The following ADAMTSL3 variants were observed in gnomAD, a reference collection of about 807,000 sequenced individuals.
ADAMTSL3 encodes ADAMTS-like protein 3.
ADAMTSL3 carries 128 observed loss-of-function variants against 201.7 expected under a neutral mutation model. That is an observed-to-expected ratio of 0.63 (90% CI 0.55 to 0.73). The LOEUF is 0.73. ADAMTSL3 is among the 30% of genes least tolerant of loss of function. The pLI is 0.00. For synonymous variants in ADAMTSL3, 738 were observed against 748.4 expected, an observed-to-expected ratio of 0.99 and a Z score of 0.23; for missense variants, 1,990 against 2,119.6, an observed-to-expected ratio of 0.94 and a Z score of 1.20.
intron 27 of ADAMTSL3, among the ~76,000 whole-genome samples, chr15:84,030,247 A>C (rs574649894): frequency 1.2e-4 from 19 of 152,312 alleles, no homozygotes; most frequent in African/African-American, 4.1e-4. Flanking sequence ...GAAAAGCCAC[A>C]GTCACTTAAC....
chr15:83,655,835 GGTCATATA>G lies in ADAMTSL3; in HGVS notation c.69+7_69+14del. On this transcript the variant is annotated splice_donor_region_variant and intron_variant, in intron 2 of 29. Transcript: ENST00000286744. ...ATGCACTCTCCCCTCCCGCAGGTAA[GGTCATATA>G]GGGAGGGGAAGGGAAATGGTGGACA... The G allele has an allele frequency of 3.1e-6, 5 of 1,613,476 alleles. No individual in the cohort carries two copies. The highest frequency in any genetic ancestry group is 4.2e-6 in the Non-Finnish European group (5 of 1,179,652).
intron 4 of ADAMTSL3, among the ~76,000 whole-genome samples, chr15:83,797,233 A>G (rs2141840999): frequency 6.6e-6 from 1 of 152,338 alleles, no homozygotes; most frequent in African/African-American, 2.4e-5. Flanking sequence ...TGGGCAAAGA[A>G]TATGAACAGG....
At chr15:83,700,300 C>A (rs1307919841) in intron 2 of ADAMTSL3, among the ~76,000 whole-genome samples, 1 of 152,194 alleles carries the variant, frequency 6.6e-6, no homozygotes, top group African/African-American at 2.4e-5. Context: ...AACTCACTGA[C>A]CTCCTTTCTA....
chr15:84,016,827 A>G (rs779470163), intron 25 of ADAMTSL3, among the ~76,000 whole-genome samples: 1 of 152,224 alleles, frequency 6.6e-6, no homozygotes, highest in African/African-American at 2.4e-5. Context: ...ATAGTCTGCT[A>G]TGAGTATTGG....
intron 9 of ADAMTSL3, among the ~76,000 whole-genome samples, chr15:83,882,472 T>A (rs548463217): frequency 1.3e-5 from 2 of 152,354 alleles, no homozygotes; most frequent in African/African-American, 4.8e-5. Flanking sequence ...ACTGATTTAT[T>A]TAATCATTAT....
chr15:83,848,139 G>GA (rs887060486), intron 7 of ADAMTSL3, among the ~76,000 whole-genome samples: 2 of 144,098 alleles, frequency 1.4e-5, no homozygotes, highest in African/African-American at 2.6e-5. Flanking sequence ...ATTTTGTTCA[G>GA]AAAAAAAAAC....
chr15:83,872,258 A>T (rs1486541940), intron 9 of ADAMTSL3, among the ~76,000 whole-genome samples: 1 of 152,054 alleles, frequency 6.6e-6, no homozygotes, highest in East Asian at 1.9e-4. Flanking sequence ...TAACTGAGGA[A>T]CAGCTGCCTT....
intron 17 of ADAMTSL3, among the ~76,000 whole-genome samples, chr15:83,940,197 C>G (rs980384167): frequency 2.0e-5 from 3 of 152,152 alleles, no homozygotes; most frequent in African/African-American, 7.2e-5. Flanking sequence ...GTGATTTCTT[C>G]TTTGGCCCAT....
chr15:83,832,038 G>A (rs1239751746), intron 6 of ADAMTSL3, among the ~76,000 whole-genome samples: 4 of 152,132 alleles, frequency 2.6e-5, no homozygotes, highest in African/African-American at 4.8e-5. Context: ...TGGACAAGGA[G>A]GAGGGACACC....
At chr15:83,851,021 G>A (rs2064601082) in intron 7 of ADAMTSL3, among the ~76,000 whole-genome samples, 2 of 152,176 alleles carry the variant, frequency 1.3e-5, no homozygotes. Context: ...GCTGCTGGTC[G>A]GGCACATTCT....
At chr15:83,704,242 TG>T in intron 2 of ADAMTSL3, 146 bp from the exon 3 acceptor site, 1 of 1,223,278 alleles carries the variant, frequency 8.2e-7, no homozygotes, top group African/African-American at 1.5e-5. Flanking sequence ...TGCCTCACCC[TG>T]GTCTTTGCCA....
At chr15:83,989,814 A>G (rs886285184) in intron 22 of ADAMTSL3, among the ~76,000 whole-genome samples, 2 of 152,190 alleles carry the variant, frequency 1.3e-5, no homozygotes, top group Admixed American at 1.3e-4. Flanking sequence ...CCTTGTTTGT[A>G]TTATTTTTGC....
chr15:83,659,224 G>C (rs2061131994), intron 2 of ADAMTSL3, among the ~76,000 whole-genome samples: 1 of 152,156 alleles, frequency 6.6e-6, no homozygotes, highest in Non-Finnish European at 1.5e-5. Context: ...GATCCCTCGA[G>C]GCCACAGTTT....
intron 26 of ADAMTSL3, among the ~76,000 whole-genome samples, chr15:84,023,153 C>G (rs1405663103): frequency 2.0e-5 from 3 of 152,180 alleles, no homozygotes; most frequent in Non-Finnish European, 4.4e-5. Context: ...AGCACAATGT[C>G]TGCTGCATCA....
chr15:83,927,600 A>G (rs2066273055), intron 17 of ADAMTSL3, among the ~76,000 whole-genome samples: 1 of 152,238 alleles, frequency 6.6e-6, no homozygotes, highest in South Asian at 2.1e-4. Flanking sequence ...GAAATGTGCT[A>G]ATAAATATAT....
chr15:83,890,136 T>C lies in ADAMTSL3; in HGVS notation c.1100T>C (p.Val367Ala). ...TATCAGCTCAATTCTGCTGAATGTG[T>C]GGATATCCGCTTGAAGAGGGTAGTT... ...GGYQLNSAECVDIRLKRVVPD... is the reference protein window; with the variant it reads ...GGYQLNSAECADIRLKRVVPD... The change falls in exon 11 of 30, where the codon GTG (valine) becomes GCG (alanine). Residue 367 changes from valine (V) to alanine (A), a missense_variant. Physicochemically the swap from Val to Ala is moderately conservative, Grantham distance 64. Coordinates refer to ENST00000286744, the MANE Select transcript of ADAMTSL3 (RefSeq NM_207517.3). 1.2e-6 allele frequency: 2 copies of C among 1,613,686 alleles called. No individual in the cohort carries two copies. The highest frequency in any genetic ancestry group is 2.2e-5 in the East Asian group (1 of 44,852).
intron 28 of ADAMTSL3, among the ~76,000 whole-genome samples, chr15:84,033,991 G>C (rs1178607356): frequency 6.6e-6 from 1 of 152,146 alleles, no homozygotes; most frequent in Non-Finnish European, 1.5e-5. Context: ...GGGTGAGTCA[G>C]AGTGGCAGGG....
At chr15:83,983,686 C>T (rs2067429499) in intron 21 of ADAMTSL3, among the ~76,000 whole-genome samples, 1 of 152,080 alleles carries the variant, frequency 6.6e-6, no homozygotes, top group African/African-American at 2.4e-5. Flanking sequence ...AATAGTAATC[C>T]TACATTATGT....
intron 4 of ADAMTSL3, among the ~76,000 whole-genome samples, chr15:83,784,066 A>G (rs1179956509): frequency 6.6e-6 from 1 of 152,144 alleles, no homozygotes; most frequent in African/African-American, 2.4e-5. Flanking sequence ...TCACAAGAAA[A>G]AACATTGCCT....
Sources: gnomAD v4.1 joint callset for allele counts (sites outside exome capture counted in the v4.1 genomes callset) on GRCh38, gnomAD v4.1.1 for gene constraint, MANE v1.5 for transcripts, NCBI Gene and HGNC (gene_info 2026-07-23, HGNC 2026-07-21) for gene names.